The following CADPS variants were observed in gnomAD, a reference collection of about 807,000 sequenced individuals.
CADPS encodes the protein calcium-dependent secretion activator 1.
CADPS carries 57 observed loss-of-function variants against 167.3 expected under a neutral mutation model. The observed-to-expected ratio is 0.34, with a 90% CI of 0.28 to 0.42. The LOEUF (loss-of-function observed/expected upper bound fraction) is 0.42. Ranked by LOEUF, CADPS falls within the 20% of genes least tolerant of loss-of-function variation. The probability of loss-of-function intolerance (pLI) is 1.00; values close to 1 mark genes in which losing one functional copy is unlikely to be tolerated. For missense variants in CADPS, 1,414 were observed against 1,738.1 expected, an observed-to-expected ratio of 0.81 and a Z score of 3.32; for synonymous variants, 676 against 635.3, an observed-to-expected ratio of 1.06 and a Z score of -0.96.
chr3:62,712,951 C>G (rs572043625), intron 3 of CADPS, among the ~76,000 whole-genome samples: 4 of 152,176 alleles, frequency 2.6e-5, no homozygotes, highest in African/African-American at 4.8e-5. Flanking sequence ...AATGAGCCAG[C>G]CTCAAACCTG....
rs1166301444 is a variant in CADPS, at chr3:62,514,555, CA to C, written c.2581+1503del. 6.6e-6 allele frequency among the ~76,000 whole-genome samples: 1 copy of C among 152,042 alleles called. No individual in the cohort carries two copies. Among genetic ancestry groups the C allele is most frequent in the Non-Finnish European group, 1.5e-5 (1 of 67,986 alleles). On this transcript the variant is annotated intron_variant, in intron 16 of 29. Coordinates refer to ENST00000383710, the MANE Select transcript of CADPS (RefSeq NM_003716.4). This position sits in a 1 kb window ranked among gnomAD's most constrained non-coding sequence, Gnocchi z 4.2. ...TTAACACAACCAAGAAGAATTGAGG[CA>C]CAAAAGGAAATTACAGACCAGCTGA... is the stretch of plus-strand genomic sequence containing the variant.
chr3:62,778,372 G>A (rs1280444573), intron 1 of CADPS, among the ~76,000 whole-genome samples: 7 of 152,056 alleles, frequency 4.6e-5, no homozygotes, highest in Non-Finnish European at 1.0e-4. Flanking sequence ...TAGTAACTCC[G>A]CTGATGCATT....
At chr3:62,822,703 G>C (rs941073838) in intron 1 of CADPS, among the ~76,000 whole-genome samples, 1 of 152,036 alleles carries the variant, frequency 6.6e-6, no homozygotes, top group Non-Finnish European at 1.5e-5. Context: ...TTAGCTGGGC[G>C]TGGTAGCGCA....
At chr3:62,473,974 T>C in intron 24 of CADPS, 199 bp downstream of exon 24, 1 of 459,516 alleles carries the variant, frequency 2.2e-6, no homozygotes, top group South Asian at 4.7e-5. Flanking sequence ...TCCAAGTGAC[T>C]GACATTCTCA....
intron 13 of CADPS, among the ~76,000 whole-genome samples, chr3:62,525,410 A>C (rs2071825732): frequency 6.6e-6 from 1 of 152,206 alleles, no homozygotes; most frequent in Non-Finnish European, 1.5e-5. Context: ...TTTAGAGAGC[A>C]TGACTCAGCC....
chr3:62,632,309 A>G (rs369036972), intron 6 of CADPS, among the ~76,000 whole-genome samples: 19 of 152,322 alleles, frequency 1.2e-4, no homozygotes, highest in East Asian at 9.6e-4. Context: ...TCAATTTTCT[A>G]CAACAAGGAT....
intron 1 of CADPS, among the ~76,000 whole-genome samples, chr3:62,772,079 A>AAT (rs1483441719): frequency 3.3e-5 from 5 of 151,738 alleles, no homozygotes; most frequent in Non-Finnish European, 1.5e-5. Flanking sequence ...ATATACGTAT[A>AAT]ATATATATAT....
At chr3:62,579,367 A>G (rs556375186) in intron 8 of CADPS, among the ~76,000 whole-genome samples, 19 of 152,214 alleles carry the variant, frequency 1.2e-4, no homozygotes, top group Non-Finnish European at 2.1e-4. Context: ...CTTTTGCTAC[A>G]TGTCAGTCTC....
At chr3:62,744,786 A>G (rs1310832205) in intron 3 of CADPS, among the ~76,000 whole-genome samples, 3 of 152,240 alleles carry the variant, frequency 2.0e-5, no homozygotes, top group African/African-American at 7.2e-5. Flanking sequence ...AAATGTCTAT[A>G]GCAGTTTTGA....
chr3:62,599,808 A>C (rs188183612), intron 6 of CADPS, among the ~76,000 whole-genome samples: 1 of 6,148 alleles, frequency 1.6e-4, no homozygotes, highest in African/African-American at 5.0e-4. Flanking sequence ...ATATATAATA[A>C]ATAATATATT....
chr3:62,533,563 G>A (rs2151993425), intron 12 of CADPS, among the ~76,000 whole-genome samples: 1 of 152,230 alleles, frequency 6.6e-6, no homozygotes, highest in South Asian at 2.1e-4. Flanking sequence ...TTAAAGACAA[G>A]AAAATGGAAA....
At chr3:62,815,683 A>G (rs1425243727) in intron 1 of CADPS, among the ~76,000 whole-genome samples, 1 of 152,034 alleles carries the variant, frequency 6.6e-6, no homozygotes, top group Non-Finnish European at 1.5e-5. Flanking sequence ...TCCTGCTTCT[A>G]CCTTTTTGAG....
intron 1 of CADPS, among the ~76,000 whole-genome samples, chr3:62,799,361 C>T (rs1158722025): frequency 2.6e-5 from 4 of 152,112 alleles, no homozygotes; most frequent in Admixed American, 2.6e-4. Flanking sequence ...GGCAGACTAC[C>T]TAGATTCAAA....
At chr3:62,578,564 CAT>C (rs2082745493) in intron 8 of CADPS, among the ~76,000 whole-genome samples, 1 of 137,856 alleles carries the variant, frequency 7.3e-6, no homozygotes, top group African/African-American at 2.8e-5. Context: ...GAGCCGAGAT[CAT>C]GCCACTGCAC....
intron 3 of CADPS, among the ~76,000 whole-genome samples, chr3:62,721,383 T>C (rs986597413): frequency 6.6e-6 from 1 of 152,076 alleles, no homozygotes. Context: ...TGGAGGAAAT[T>C]ACTTTACCGT....
chr3:62,602,103 C>T lies in CADPS; in HGVS notation c.1326-9355G>A, dbSNP rs1191335791. 6.6e-6 allele frequency among the ~76,000 whole-genome samples: 1 copy of T among 152,118 alleles called. No individual in the cohort carries two copies. The highest frequency in any genetic ancestry group is 1.5e-5 in the Non-Finnish European group (1 of 68,032). ...CCCCATGAACAAAAAACAACATTTG[C>T]CACATAGGGAATATACCTCCCAAAA... is the stretch of plus-strand genomic sequence containing the variant. On this transcript the variant is annotated intron_variant, in intron 6 of 29. Transcript: ENST00000383710. The surrounding 1 kb of genome is among the most constrained non-coding windows in gnomAD (Gnocchi z 4.4).
chr3:62,545,332 C>T (rs1048836495), intron 11 of CADPS, among the ~76,000 whole-genome samples: 1 of 151,998 alleles, frequency 6.6e-6, no homozygotes, highest in Non-Finnish European at 1.5e-5. Context: ...CAATGAGAGG[C>T]CACTCAGCAT....
At chr3:62,768,097 T>C (rs1414916549) in intron 1 of CADPS, among the ~76,000 whole-genome samples, 1 of 152,208 alleles carries the variant, frequency 6.6e-6, no homozygotes, top group Non-Finnish European at 1.5e-5. Context: ...CTCTGACCCA[T>C]GGAGCAGAGC....
intron 28 of CADPS, among the ~76,000 whole-genome samples, chr3:62,424,473 G>A (rs74278894): frequency 0.071 from 10,827 of 152,150 alleles, 554 homozygotes; most frequent in East Asian, 0.2. Context: ...ATGAGCCACC[G>A]CGCCTGGCCT....
Sources: gnomAD v4.1 joint callset for allele counts (sites outside exome capture counted in the v4.1 genomes callset) on GRCh38, gnomAD v4.1.1 for gene constraint, Gnocchi (gnomAD v3.1) non-coding constraint, MANE v1.5 for transcripts, NCBI Gene and HGNC (gene_info 2026-07-23, HGNC 2026-07-21) for gene names.